NXPE4: variants seen among roughly 807,000 people sequenced by gnomAD.
NXPE4 encodes the protein NXPE family member 4.
NXPE4 carries 42 observed loss-of-function variants against 33.3 expected under a neutral mutation model. That is an observed-to-expected ratio of 1.26 (90% CI 0.98 to 1.63). The LOEUF is 1.63. Among genes scored for constraint, NXPE4 ranks in the 40% most tolerant of loss-of-function variants. NXPE4 has a pLI of 0.00. For synonymous variants in NXPE4, 253 were observed against 234.9 expected (o/e 1.08, Z -0.71); for missense variants, 709 against 647.6 (o/e 1.09, Z -1.03).
chr11:114,610,236 G>C, the NXPE4 span, among the ~76,000 whole-genome samples: 1 of 151,824 alleles, frequency 6.6e-6, no homozygotes, highest in Non-Finnish European at 1.5e-5. Context: ...GTTGCCTCGT[G>C]GTTAACCACT....
chr11:114,669,097 A>C, the NXPE4 span, among the ~76,000 whole-genome samples: 4 of 152,068 alleles, frequency 2.6e-5, no homozygotes, highest in Non-Finnish European at 5.9e-5. Flanking sequence ...GATTTCAAAA[A>C]CAATAGAAAT....
chr11:114,598,757 C>A (rs923053789), upstream of NXPE4, among the ~76,000 whole-genome samples: 5 of 152,080 alleles, frequency 3.3e-5, no homozygotes, highest in Non-Finnish European at 5.9e-5. Context: ...GCCTGGCTCA[C>A]AAAACCATTC....
chr11:114,648,066 T>C, the NXPE4 span, among the ~76,000 whole-genome samples: 1 of 152,174 alleles, frequency 6.6e-6, no homozygotes, highest in African/African-American at 2.4e-5. Flanking sequence ...ATAAGACATA[T>C]ATTGAGTCTT....
chr11:114,640,154 T>G, the NXPE4 span, among the ~76,000 whole-genome samples: 1 of 75,052 alleles, frequency 1.3e-5, no homozygotes, highest in African/African-American at 6.4e-5. Flanking sequence ...ATATGATATA[T>G]TAATAATATA....
At chr11:114,634,798 G>A in the NXPE4 span, among the ~76,000 whole-genome samples, 7 of 151,894 alleles carry the variant, frequency 4.6e-5, no homozygotes, top group African/African-American at 7.3e-5. Context: ...ATTTCTGAGG[G>A]CTCTGTTCTG....
chr11:114,623,481 C>T, the NXPE4 span, among the ~76,000 whole-genome samples: 8 of 151,228 alleles, frequency 5.3e-5, no homozygotes, highest in Non-Finnish European at 1.0e-4. Flanking sequence ...TATTTCCTCT[C>T]GGGTAACCAC....
At chr11:114,587,421 A>G (rs181589690) in intron 2 of NXPE4, among the ~76,000 whole-genome samples, 2 of 152,342 alleles carry the variant, frequency 1.3e-5, no homozygotes, top group Non-Finnish European at 2.9e-5. Flanking sequence ...TGCATTCTCT[A>G]TTAAAGGGCA....
chr11:114,645,494 A>C, the NXPE4 span, among the ~76,000 whole-genome samples: 1 of 152,126 alleles, frequency 6.6e-6, no homozygotes, highest in Non-Finnish European at 1.5e-5. Context: ...AAAACCAAAA[A>C]CAAAAACATA....
chr11:114,633,912 A>G, the NXPE4 span, among the ~76,000 whole-genome samples: 5 of 152,020 alleles, frequency 3.3e-5, no homozygotes, highest in African/African-American at 9.6e-5. Context: ...GAGTAGTGCC[A>G]CAATAAACAT....
At chr11:114,608,814 G>A in the NXPE4 span, among the ~76,000 whole-genome samples, 1 of 151,758 alleles carries the variant, frequency 6.6e-6, no homozygotes, top group South Asian at 2.1e-4. Flanking sequence ...TTGCCTCGTG[G>A]GTAAGCACTG....
the NXPE4 span, among the ~76,000 whole-genome samples, chr11:114,663,065 C>T: frequency 2.6e-5 from 4 of 152,138 alleles, no homozygotes; most frequent in Admixed American, 6.6e-5. Flanking sequence ...AGACAGGAGC[C>T]CATTGCACTG....
the NXPE4 span, among the ~76,000 whole-genome samples, chr11:114,613,028 T>G: frequency 5.9e-5 from 9 of 151,946 alleles, no homozygotes; most frequent in South Asian, 2.1e-4. Flanking sequence ...GGGTAACCAC[T>G]GTTACCTGGT....
In NXPE4 at chr11:114,580,554, G is replaced by A. The variant is rs188454144; in HGVS notation, c.893-216C>T. Among the ~76,000 whole-genome samples, 6 of 151,898 alleles carry A rather than the reference G, an allele frequency of 4.0e-5. No individual in the cohort carries two copies. In the South Asian group the frequency reaches 6.2e-4, roughly 16 times the overall value. ...TCCTAAATAATGTTCATTAATGTTCGTTATAAGAGTATATGTTTCTTCCCA... is the reference window on the plus strand; with the variant it reads ...TCCTAAATAATGTTCATTAATGTTCATTATAAGAGTATATGTTTCTTCCCA... On this transcript the variant is annotated intron_variant, in intron 4 of 5. Transcript: ENST00000375478.
rs770195113 is a variant in NXPE4, at chr11:114,571,172, G to A, written c.1401C>T (p.Asp467=). Residue 467 remains aspartate (D), a synonymous_variant, in exon 6 of 6, where the codon GAC becomes GAT. Coordinates refer to ENST00000375478, the MANE Select transcript of NXPE4 (RefSeq NM_001077639.2). ...AIQHLLLRSP[D]TMVIIKTENI... is the part of the protein sequence containing the mutation. ...TTTCTGTTTTGATGATAACCATAGT[G>A]TCTGGGCTTCTCAGAAGAAGATGCT... 15 of 1,613,992 alleles carry A rather than the reference G, an allele frequency of 9.3e-6. No individual in the cohort carries two copies. Among genetic ancestry groups the A allele is most frequent in the Middle Eastern group, 1.7e-4 (1 of 6,060 alleles).
At chr11:114,602,572 A>G in the NXPE4 span, among the ~76,000 whole-genome samples, 1 of 140,014 alleles carries the variant, frequency 7.1e-6, no homozygotes, top group African/African-American at 2.6e-5. Flanking sequence ...CATTTATAAT[A>G]ATTATCTCAT....
the NXPE4 span, among the ~76,000 whole-genome samples, chr11:114,626,288 T>C: frequency 6.6e-6 from 1 of 152,192 alleles, no homozygotes; most frequent in Admixed American, 6.5e-5. Flanking sequence ...CTGACAGCTT[T>C]GAAGAGAGCA....
the NXPE4 span, among the ~76,000 whole-genome samples, chr11:114,652,008 G>A: frequency 3.3e-5 from 5 of 152,312 alleles, no homozygotes; most frequent in African/African-American, 9.6e-5. Flanking sequence ...AGTGGAACTT[G>A]AAACTCAATT....
chr11:114,617,622 C>A, the NXPE4 span, among the ~76,000 whole-genome samples: 1 of 152,054 alleles, frequency 6.6e-6, no homozygotes, highest in Non-Finnish European at 1.5e-5. Flanking sequence ...TTTAGGGTAA[C>A]CACTGTTACC....
the NXPE4 span, among the ~76,000 whole-genome samples, chr11:114,640,007 A>G: frequency 4.1e-5 from 5 of 120,510 alleles, no homozygotes; most frequent in East Asian, 1.2e-3. Flanking sequence ...ATAATGTAAT[A>G]ATATATTATT....
Sources: gnomAD v4.1 joint callset for allele counts (sites outside exome capture counted in the v4.1 genomes callset) on GRCh38, gnomAD v4.1.1 for gene constraint, MANE v1.5 for transcripts, NCBI Gene and HGNC (gene_info 2026-07-23, HGNC 2026-07-21) for gene names.